The following UBE4B variants were observed in gnomAD, a reference collection of about 807,000 sequenced individuals.
The protein encoded by UBE4B is ubiquitination factor E4B, also known as ubiquitin conjugation factor E4 B.
Under a neutral mutation model 148.1 loss-of-function variants are expected in UBE4B, and 27 were observed. That is an observed-to-expected ratio of 0.18 (90% CI 0.13 to 0.25). The LOEUF is 0.25. UBE4B is among the 10% of genes least tolerant of loss of function. The pLI is 1.00. For synonymous variants in UBE4B, 596 were observed against 619.3 expected, an observed-to-expected ratio of 0.96 and a Z score of 0.56; for missense variants, 1,170 against 1,662.4, an observed-to-expected ratio of 0.70 and a Z score of 5.15.
chr1:10,164,698 T>G (rs1324875969), intron 23 of UBE4B, among the ~76,000 whole-genome samples: 1 of 152,216 alleles, frequency 6.6e-6, no homozygotes, highest in African/African-American at 2.4e-5. Flanking sequence ...TATTTGGCTT[T>G]GAAGTCACTT....
intron 1 of UBE4B, among the ~76,000 whole-genome samples, chr1:10,035,507 C>G (rs1453681382): frequency 1.4e-5 from 2 of 145,886 alleles, no homozygotes; most frequent in African/African-American, 5.1e-5. Flanking sequence ...CGCCATTCTC[C>G]TGCCTCAGAC....
chr1:10,100,710 A>G (rs780561984), intron 3 of UBE4B, among the ~76,000 whole-genome samples: 8 of 152,082 alleles, frequency 5.3e-5, no homozygotes, highest in Non-Finnish European at 1.0e-4. Context: ...ATGTGCCACC[A>G]CGCCTGACTA....
At chr1:10,089,141 A>T (rs538451258) in intron 2 of UBE4B, among the ~76,000 whole-genome samples, 2 of 152,242 alleles carry the variant, frequency 1.3e-5, no homozygotes, top group East Asian at 3.9e-4. Flanking sequence ...CTAGTAGCTG[A>T]AACTGCAGGC....
At chr1:10,140,318 G>C (rs1557589839) in intron 17 of UBE4B, among the ~76,000 whole-genome samples, 1 of 152,108 alleles carries the variant, frequency 6.6e-6, no homozygotes. Flanking sequence ...ATCATGGTAA[G>C]AAAATATATT....
At chr1:10,073,430 A>T (rs1432160556) in intron 2 of UBE4B, among the ~76,000 whole-genome samples, 1 of 152,206 alleles carries the variant, frequency 6.6e-6, no homozygotes, top group Non-Finnish European at 1.5e-5. Context: ...TTTCGAATTC[A>T]TGATTACATG....
chr1:10,176,772 T>TTTTTTC (rs2102044123), intron 25 of UBE4B, among the ~76,000 whole-genome samples: 1 of 151,026 alleles, frequency 6.6e-6, no homozygotes, highest in African/African-American at 2.4e-5. Flanking sequence ...GAAGAGTTCT[T>TTTTTTC]TTTTTCTTTT....
At chr1:10,034,994 T>C (rs929448800) in intron 1 of UBE4B, among the ~76,000 whole-genome samples, 13 of 152,090 alleles carry the variant, frequency 8.5e-5, no homozygotes, top group African/African-American at 3.1e-4. Context: ...TATGTGGGTT[T>C]TTTTTTGTTT....
At chr1:10,179,685 A>G (rs1571048192) in intron 27 of UBE4B, 123 bp downstream of exon 27, 1 of 1,499,742 alleles carries the variant, frequency 6.7e-7, no homozygotes, top group Non-Finnish European at 9.0e-7. Flanking sequence ...CTACTTTATG[A>G]CACTCTGTAG....
intron 17 of UBE4B, among the ~76,000 whole-genome samples, chr1:10,140,875 A>C (rs1036489299): frequency 1.3e-5 from 2 of 152,178 alleles, no homozygotes; most frequent in Non-Finnish European, 2.9e-5. Context: ...TTTCCTCTGA[A>C]TTAGATCAAA....
chr1:10,110,317 C>A (rs1645196647), intron 7 of UBE4B, among the ~76,000 whole-genome samples: 1 of 152,136 alleles, frequency 6.6e-6, no homozygotes, highest in Non-Finnish European at 1.5e-5. Flanking sequence ...GTTTTGCAGA[C>A]TTCTGAGAAA....
intron 2 of UBE4B, among the ~76,000 whole-genome samples, chr1:10,078,855 A>C (rs1412811623): frequency 6.6e-6 from 1 of 152,078 alleles, no homozygotes; most frequent in African/African-American, 2.4e-5. Context: ...TTCTAAGACA[A>C]AGTCAGGCTG....
intron 10 of UBE4B, among the ~76,000 whole-genome samples, chr1:10,124,690 A>G (rs1645464187): frequency 6.6e-6 from 1 of 152,168 alleles, no homozygotes; most frequent in African/African-American, 2.4e-5. Flanking sequence ...TCTTTGACTG[A>G]AATATCTACC....
chr1:10,167,830 T>A (rs115624399), intron 23 of UBE4B, among the ~76,000 whole-genome samples: 1 of 152,080 alleles, frequency 6.6e-6, no homozygotes, highest in African/African-American at 2.4e-5. Flanking sequence ...ACCTCGTGAT[T>A]CGCCCACCTT....
At chr1:10,066,932 G>A (rs970184332) in intron 1 of UBE4B, among the ~76,000 whole-genome samples, 3 of 151,938 alleles carry the variant, frequency 2.0e-5, no homozygotes, top group Admixed American at 1.3e-4. Context: ...AGAACTAGGA[G>A]TTATTGTCAT....
chr1:10,093,922 T>A (rs1412098085), intron 2 of UBE4B, among the ~76,000 whole-genome samples: 2 of 152,128 alleles, frequency 1.3e-5, no homozygotes, highest in African/African-American at 4.8e-5. Context: ...CTCGAACTCC[T>A]GACCTCAAAT....
At chr1:10,179,160 G>C (rs1646469916) in intron 26 of UBE4B, 1 of 502,762 alleles carries the variant, frequency 2.0e-6, no homozygotes, top group Non-Finnish European at 3.4e-6. Flanking sequence ...TGTGGGGCCT[G>C]CTGCTGGGTC....
intron 7 of UBE4B, among the ~76,000 whole-genome samples, chr1:10,115,842 A>G (rs1645299232): frequency 6.6e-6 from 1 of 152,212 alleles, no homozygotes; most frequent in Non-Finnish European, 1.5e-5. Flanking sequence ...ACTCTAGGCA[A>G]TTAGATGCTT....
intron 2 of UBE4B, among the ~76,000 whole-genome samples, chr1:10,087,508 T>C (rs528463700): frequency 6.6e-6 from 1 of 152,346 alleles, no homozygotes; most frequent in Admixed American, 6.5e-5. Flanking sequence ...AGTTCTGTTT[T>C]CATGATCTTC....
intron 7 of UBE4B, among the ~76,000 whole-genome samples, chr1:10,107,646 C>T (rs1441468863): frequency 2.0e-5 from 3 of 148,184 alleles, no homozygotes; most frequent in African/African-American, 7.5e-5. Context: ...GGCGCAATCT[C>T]GGCTCACGGC....
Sources: gnomAD v4.1 joint callset for allele counts (sites outside exome capture counted in the v4.1 genomes callset) on GRCh38, gnomAD v4.1.1 for gene constraint, MANE v1.5 for transcripts, NCBI Gene and HGNC (gene_info 2026-07-23, HGNC 2026-07-21) for gene names.